The following ATF2 variants were observed in gnomAD, a reference collection of about 807,000 sequenced individuals.
ATF2 encodes cyclic AMP-dependent transcription factor ATF-2.
A neutral mutation model predicts 60.6 loss-of-function variants in ATF2; 24 were observed. The observed-to-expected ratio is 0.40, with a 90% CI of 0.29 to 0.56. ATF2 has a LOEUF of 0.56. Ranked by LOEUF, ATF2 falls within the 20% of genes least tolerant of loss-of-function variation. The pLI is 0.54. For synonymous variants in ATF2, 206 were observed against 215.4 expected (o/e 0.96, Z 0.38); for missense variants, 433 against 607.7 (o/e 0.71, Z 3.02).
chr2:175,132,469 G>T (rs1697801011), intron 3 of ATF2, among the ~76,000 whole-genome samples: 2 of 152,040 alleles, frequency 1.3e-5, no homozygotes, highest in South Asian at 2.1e-4. Flanking sequence ...TTTTAATGTG[G>T]TATATCACAC....
intron 3 of ATF2, 99 bp from the exon 4 acceptor site, chr2:175,130,306 C>T (rs1167446935): frequency 2.8e-6 from 2 of 707,194 alleles, no homozygotes; most frequent in Admixed American, 3.4e-5. Flanking sequence ...ATTAACTTTT[C>T]TATTTTAATA....
intron 4 of ATF2, among the ~76,000 whole-genome samples, chr2:175,122,943 C>G (rs1451004323): frequency 6.6e-6 from 1 of 152,026 alleles, no homozygotes; most frequent in African/African-American, 2.4e-5. Context: ...CTTTGGATTA[C>G]TTCACATGCC....
At chr2:175,141,043 A>G (rs1331563562) in intron 2 of ATF2, among the ~76,000 whole-genome samples, 1 of 130,290 alleles carries the variant, frequency 7.7e-6, no homozygotes, top group East Asian at 2.2e-4. Context: ...ATATATATAT[A>G]TATATATATG....
At chr2:175,090,981 T>C (rs1694506472) in intron 12 of ATF2, among the ~76,000 whole-genome samples, 1 of 152,172 alleles carries the variant, frequency 6.6e-6, no homozygotes. Flanking sequence ...TGGTAACCAG[T>C]GCTGCAGTGT....
chr2:175,097,352 C>A, intron 11 of ATF2, 92 bp downstream of exon 11: 1 of 1,500,276 alleles, frequency 6.7e-7, no homozygotes, highest in Non-Finnish European at 9.0e-7. Flanking sequence ...ACAACATGAC[C>A]AGAGTAATAT....
chr2:175,164,649 A>G (rs1229820289), intron 1 of ATF2, among the ~76,000 whole-genome samples: 1 of 152,258 alleles, frequency 6.6e-6, no homozygotes, highest in East Asian at 1.9e-4. Flanking sequence ...CTTGAGAAAC[A>G]TAACAAAGGA....
intron 1 of ATF2, among the ~76,000 whole-genome samples, chr2:175,164,385 T>C (rs1574523537): frequency 6.6e-6 from 1 of 151,836 alleles, no homozygotes; most frequent in African/African-American, 2.4e-5. Flanking sequence ...AATACAAAAA[T>C]CAGCAGGGAA....
chr2:175,088,048 CAGTGT>C (rs751279206), intron 12 of ATF2, among the ~76,000 whole-genome samples: 2 of 152,156 alleles, frequency 1.3e-5, no homozygotes, highest in Non-Finnish European at 2.9e-5. Context: ...AGCATTTGCA[CAGTGT>C]AGTTACAACA....
chr2:175,082,597 A>G (rs1008174761), intron 12 of ATF2, among the ~76,000 whole-genome samples: 6 of 152,192 alleles, frequency 3.9e-5, no homozygotes, highest in African/African-American at 1.2e-4. Context: ...AAGAATATAC[A>G]ATCTTTTACA....
intron 4 of ATF2, among the ~76,000 whole-genome samples, chr2:175,129,849 ACAGT>A (rs1697602415): frequency 6.6e-6 from 1 of 152,018 alleles, no homozygotes; most frequent in African/African-American, 2.4e-5. Flanking sequence ...TCAACCAATA[ACAGT>A]CAAATTATAC....
intron 11 of ATF2, 112 bp from the exon 12 acceptor site, chr2:175,093,379 A>C: frequency 9.7e-7 from 1 of 1,028,384 alleles, no homozygotes; most frequent in Non-Finnish European, 1.4e-6. Flanking sequence ...AGTCTTGTTG[A>C]ATACATCAGT....
chr2:175,123,006 C>T (rs1266855913), intron 4 of ATF2, among the ~76,000 whole-genome samples: 2 of 152,060 alleles, frequency 1.3e-5, no homozygotes, highest in Non-Finnish European at 2.9e-5. Flanking sequence ...TGTATTACCA[C>T]TGAAGGAGAG....
At chr2:175,141,838 T>A (rs1698566187) in intron 2 of ATF2, among the ~76,000 whole-genome samples, 3 of 152,090 alleles carry the variant, frequency 2.0e-5, no homozygotes, top group Admixed American at 2.0e-4. Flanking sequence ...AATCTTAACA[T>A]GTATGCTATC....
At chr2:175,085,182 T>C (rs914106907) in intron 12 of ATF2, among the ~76,000 whole-genome samples, 1 of 152,178 alleles carries the variant, frequency 6.6e-6, no homozygotes, top group African/African-American at 2.4e-5. Context: ...CAAAATGCTA[T>C]ATGTGACAAA....
chr2:175,152,755 T>C (rs567830501), intron 1 of ATF2, among the ~76,000 whole-genome samples: 1 of 152,216 alleles, frequency 6.6e-6, no homozygotes, highest in South Asian at 2.1e-4. Context: ...AATTATGCTT[T>C]ATATACAGGC....
chr2:175,103,173 T>C (rs538851069), intron 10 of ATF2, among the ~76,000 whole-genome samples: 34 of 152,204 alleles, frequency 2.2e-4, no homozygotes, highest in Non-Finnish European at 4.4e-4. Context: ...AAAAAGATAA[T>C]GTTCTCTAGA....
chr2:175,098,722 C>G (rs1348740890), intron 10 of ATF2, among the ~76,000 whole-genome samples: 1 of 152,140 alleles, frequency 6.6e-6, no homozygotes, highest in African/African-American at 2.4e-5. Flanking sequence ...GAGAGAAGAG[C>G]TTTTAAAAAA....
At position 175,130,174 on chromosome 2, in the gene ATF2, G is replaced by A; in HGVS notation, c.66C>T (p.Asp22=). 3 of 1,595,860 alleles carry A rather than the reference G, an allele frequency of 1.9e-6. No homozygotes were observed. The highest frequency in any genetic ancestry group is 2.6e-6 in the Non-Finnish European group (3 of 1,170,956). ...QYKDLWNMSD[D]KPFLCTAPGC... is the part of the protein sequence containing the mutation. Reference sequence around the variant, plus strand: ...CAGGCGCAGTACATAGAAAGGGTTTGTCATCACTCATATTCCACAGGTCCT... The same window carrying A: ...CAGGCGCAGTACATAGAAAGGGTTTATCATCACTCATATTCCACAGGTCCT... The change falls in exon 4 of 14, where the codon GAC becomes GAT. Residue 22 remains aspartate (D), a synonymous_variant. Coordinates refer to ENST00000264110, the MANE Select transcript of ATF2 (RefSeq NM_001880.4).
rs533335981 is a variant in ATF2, at chr2:175,091,507, TA to T, written c.1185+1553del. Among the ~76,000 whole-genome samples, 113 of 151,274 alleles carry T rather than the reference TA, an allele frequency of 7.5e-4. 1 individual carries two copies. The South Asian group carries it at 0.02, about 27-fold the overall frequency. On this transcript the variant is annotated intron_variant, in intron 12 of 13. Transcript: ENST00000264110. ...AATTAGTACCTACAGTCTGTACTAT[TA>T]AAAAAAAAGAAAATTTAGAAATGTT...
Sources: gnomAD v4.1 joint callset for allele counts (sites outside exome capture counted in the v4.1 genomes callset) on GRCh38, gnomAD v4.1.1 for gene constraint, MANE v1.5 for transcripts, NCBI Gene and HGNC (gene_info 2026-07-23, HGNC 2026-07-21) for gene names.